Variants in SNTB1 observed in about 807,000 individuals in gnomAD.
The protein encoded by SNTB1 is beta-1-syntrophin.
In SNTB1, 36 loss-of-function variants were observed where a neutral mutation model predicts 48.9. The observed-to-expected ratio is 0.74, with a 90% CI of 0.56 to 0.97. SNTB1 has a LOEUF of 0.97. SNTB1 is among the 50% of genes least tolerant of loss of function. SNTB1 has a pLI of 0.00. For synonymous variants in SNTB1, 299 were observed against 294.6 expected (o/e 1.01, Z -0.15); for missense variants, 786 against 703.4 (o/e 1.12, Z -1.33).
intron 2 of SNTB1, among the ~76,000 whole-genome samples, chr8:120,672,675 A>G (rs981418025): frequency 4.9e-4 from 74 of 152,332 alleles, no homozygotes; most frequent in African/African-American, 1.7e-3. Context: ...CACATAACTG[A>G]GAGAGTTAAG....
rs568586202 is a variant in SNTB1, at chr8:120,641,838, A to G, written c.789-9187T>C. Among the ~76,000 whole-genome samples, 4 of 152,268 alleles carry G rather than the reference A, an allele frequency of 2.6e-5. No homozygotes were observed. In the East Asian group the frequency reaches 7.7e-4, roughly 29 times the overall value. On this transcript the variant is annotated intron_variant, in intron 2 of 6. Transcript: ENST00000517992. The stretch of plus-strand genomic sequence containing the variant: ...AATCACTATTCAAATTTCTAACACT[A>G]TGGATTACTTTTGCCTCAGGCAAAA...
intron 3 of SNTB1, among the ~76,000 whole-genome samples, chr8:120,629,462 CAAAG>C (rs1453292331): frequency 6.6e-6 from 1 of 152,066 alleles, no homozygotes. Context: ...TAGGAAAAGA[CAAAG>C]AACATCAATT....
intron 1 of SNTB1, among the ~76,000 whole-genome samples, chr8:120,741,922 C>G (rs1358403041): frequency 1.3e-5 from 2 of 152,188 alleles, no homozygotes; most frequent in Non-Finnish European, 2.9e-5. Flanking sequence ...ATGTGACATG[C>G]AAAGCCTTCA....
At chr8:120,787,600 C>A (rs1819945339) in intron 1 of SNTB1, among the ~76,000 whole-genome samples, 2 of 151,932 alleles carry the variant, frequency 1.3e-5, no homozygotes, top group African/African-American at 4.8e-5. Flanking sequence ...CAGAAGAAAG[C>A]TTTAACAATA....
intron 2 of SNTB1, among the ~76,000 whole-genome samples, chr8:120,693,264 C>T (rs1818157754): frequency 6.6e-6 from 1 of 152,176 alleles, no homozygotes; most frequent in African/African-American, 2.4e-5. Flanking sequence ...CACATTTCAA[C>T]ATGAGATTTG....
chr8:120,723,321 G>A (rs939938943), intron 1 of SNTB1, among the ~76,000 whole-genome samples: 33 of 152,158 alleles, frequency 2.2e-4, no homozygotes, highest in Non-Finnish European at 2.9e-4. Flanking sequence ...ATATTCATAC[G>A]TACATATACA....
intron 1 of SNTB1, among the ~76,000 whole-genome samples, chr8:120,751,434 G>T (rs952387116): frequency 6.6e-6 from 1 of 151,988 alleles, no homozygotes; most frequent in Admixed American, 6.6e-5. Context: ...TTTTATTACT[G>T]CACATTCAAA....
chr8:120,742,741 C>T (rs73323125), intron 1 of SNTB1, among the ~76,000 whole-genome samples: 20,010 of 152,124 alleles, frequency 0.13, 1,726 homozygotes, highest in African/African-American at 0.24. Flanking sequence ...CAGAAATTAA[C>T]AGACTGATAG....
At chr8:120,553,678 T>C (rs1815519007) in intron 4 of SNTB1, among the ~76,000 whole-genome samples, 1 of 152,236 alleles carries the variant, frequency 6.6e-6, no homozygotes, top group African/African-American at 2.4e-5. Flanking sequence ...GCTGATTTTA[T>C]TTCTTCTTTT....
chr8:120,646,553 T>C (rs986421799), intron 2 of SNTB1, among the ~76,000 whole-genome samples: 2 of 151,602 alleles, frequency 1.3e-5, no homozygotes, highest in Non-Finnish European at 2.9e-5. Flanking sequence ...GATGTGCTGC[T>C]GGATTCGTTT....
chr8:120,687,693 T>C (rs1818056325), intron 2 of SNTB1, among the ~76,000 whole-genome samples: 1 of 152,204 alleles, frequency 6.6e-6, no homozygotes, highest in Non-Finnish European at 1.5e-5. Context: ...CCACATTGTT[T>C]TGGGTTATTA....
chr8:120,749,321 A>G (rs1819174315), intron 1 of SNTB1, among the ~76,000 whole-genome samples: 1 of 152,194 alleles, frequency 6.6e-6, no homozygotes, highest in Admixed American at 6.5e-5. Context: ...TTTCTTCTGT[A>G]CATGTTTGCA....
chr8:120,616,211 G>C (rs1816711266), intron 3 of SNTB1, among the ~76,000 whole-genome samples: 1 of 152,096 alleles, frequency 6.6e-6, no homozygotes, highest in South Asian at 2.1e-4. Context: ...TTTTCTTTAA[G>C]GGTGGACCAA....
At chr8:120,758,900 C>T (rs1055066389) in intron 1 of SNTB1, among the ~76,000 whole-genome samples, 2 of 152,104 alleles carry the variant, frequency 1.3e-5, no homozygotes, top group African/African-American at 4.8e-5. Flanking sequence ...CTAAGTCCAG[C>T]ATGGACCCTC....
At chr8:120,711,924 G>A (rs1442153766) in intron 1 of SNTB1, among the ~76,000 whole-genome samples, 1 of 151,810 alleles carries the variant, frequency 6.6e-6, no homozygotes, top group African/African-American at 2.4e-5. Flanking sequence ...GTTTTAAATG[G>A]AAGCTTCTGC....
At chr8:120,783,307 G>A (rs1819860849) in intron 1 of SNTB1, among the ~76,000 whole-genome samples, 1 of 152,070 alleles carries the variant, frequency 6.6e-6, no homozygotes, top group African/African-American at 2.4e-5. Context: ...CAATCTAAAT[G>A]TGGGTTGCTT....
At chr8:120,682,728 T>C (rs1438037787) in intron 2 of SNTB1, among the ~76,000 whole-genome samples, 12 of 151,834 alleles carry the variant, frequency 7.9e-5, no homozygotes, top group East Asian at 1.9e-4. Context: ...AGATAGACGA[T>C]AGATAGATAG....
rs559112730 is a variant in SNTB1 at position 120,554,719 on chromosome 8, A to G, written c.1137-5761T>C. Among the ~76,000 whole-genome samples, 3 of 152,346 alleles carry G rather than the reference A, an allele frequency of 2.0e-5. No homozygotes were observed. The East Asian group carries it at 5.8e-4, about 29-fold the overall frequency. ...CACCTAATGCCCGCAGGCTATAGCTATGGAGTAGCCCTTCTCAGAATAAAG... is the reference window on the plus strand; with the variant it reads ...CACCTAATGCCCGCAGGCTATAGCTGTGGAGTAGCCCTTCTCAGAATAAAG... On this transcript the variant is annotated intron_variant, in intron 4 of 6. Coordinates refer to ENST00000517992, the MANE Select transcript of SNTB1 (RefSeq NM_021021.4).
intron 1 of SNTB1, among the ~76,000 whole-genome samples, chr8:120,797,371 A>G (rs986700315): frequency 6.6e-6 from 1 of 152,020 alleles, no homozygotes. Flanking sequence ...TTTCTACTTT[A>G]GAAGTAAGGA....
Sources: gnomAD v4.1 joint callset for allele counts (sites outside exome capture counted in the v4.1 genomes callset) on GRCh38, gnomAD v4.1.1 for gene constraint, MANE v1.5 for transcripts, NCBI Gene and HGNC (gene_info 2026-07-23, HGNC 2026-07-21) for gene names.